Variants in PSD3 observed in about 807,000 individuals in gnomAD.
The protein encoded by PSD3 is PH and SEC7 domain-containing protein 3.
A neutral mutation model predicts 105.5 loss-of-function variants in PSD3; 49 were observed. That is an observed-to-expected ratio of 0.46 (90% CI 0.37 to 0.59). PSD3 has a LOEUF of 0.59. PSD3 is among the 20% of genes least tolerant of loss of function. The probability of loss-of-function intolerance (pLI) is 0.00; values close to 1 mark genes in which losing one functional copy is unlikely to be tolerated. For synonymous variants in PSD3, 557 were observed against 457.8 expected, an observed-to-expected ratio of 1.22 and a Z score of -2.77; for missense variants, 1,561 against 1,263.8, an observed-to-expected ratio of 1.24 and a Z score of -3.57.
At chr8:18,699,189 C>A (rs774913569) in intron 9 of PSD3, among the ~76,000 whole-genome samples, 2 of 152,084 alleles carry the variant, frequency 1.3e-5, no homozygotes, top group Non-Finnish European at 2.9e-5. Flanking sequence ...ACTTCCAGGC[C>A]AAGCTTTTTA....
In PSD3 at chr8:18,898,082, C is replaced by T. The variant is rs1325533771; in HGVS notation, c.131-25349G>A. Among the ~76,000 whole-genome samples the T allele has an allele frequency of 2.6e-5, 4 of 152,134 alleles. No homozygotes were observed. The South Asian group carries it at 6.2e-4, about 24-fold the overall frequency. ...ATGGTTTTCTCATATACGGCTTTGACTGTGTCGAGGTATGTTCCTTCTTAC... is the reference window on the plus strand; with the variant it reads ...ATGGTTTTCTCATATACGGCTTTGATTGTGTCGAGGTATGTTCCTTCTTAC... On this transcript the variant is annotated intron_variant, in intron 2 of 15. Coordinates refer to ENST00000327040, the MANE Select transcript of PSD3 (RefSeq NM_015310.4).
At chr8:18,910,382 C>T (rs1820129864) in intron 2 of PSD3, among the ~76,000 whole-genome samples, 1 of 124,748 alleles carries the variant, frequency 8.0e-6, no homozygotes, top group Non-Finnish European at 1.6e-5. Context: ...TAAACTATCG[C>T]AAGAACAAAA....
intron 9 of PSD3, among the ~76,000 whole-genome samples, chr8:18,680,297 G>A (rs1040677853): frequency 3.3e-5 from 5 of 152,006 alleles, no homozygotes; most frequent in African/African-American, 1.2e-4. Flanking sequence ...AAACCCCAAG[G>A]GTACCCGAAT....
At position 19,076,805 on chromosome 8, in the gene PSD3, C is replaced by T. The variant is rs190805727; in HGVS notation, c.324+7401G>A. 2.1e-3 allele frequency among the ~76,000 whole-genome samples: 325 copies of T among 152,176 alleles called. 2 individuals carry two copies. Among genetic ancestry groups the T allele is most frequent in the South Asian group, 9.1e-3 (44 of 4,814 alleles). On this transcript the variant is annotated intron_variant, in intron 1 of 1. Transcript: ENST00000521475. The stretch of plus-strand genomic sequence containing the variant: ...TCCCTCCCTTCCTTCTCTCCTCACC[C>T]TTCTCACAATTAGAGCTATACAGCT...
intron 11 of PSD3, among the ~76,000 whole-genome samples, chr8:18,602,628 C>T (rs537135924): frequency 1.1e-4 from 17 of 152,022 alleles, no homozygotes; most frequent in African/African-American, 3.9e-4. Flanking sequence ...TAACTCACAC[C>T]GTAATGCTAA....
chr8:18,705,471 C>CA (rs1801835482), intron 9 of PSD3, among the ~76,000 whole-genome samples: 2 of 131,412 alleles, frequency 1.5e-5, no homozygotes, highest in African/African-American at 5.8e-5. Flanking sequence ...GCAGAGGTTA[C>CA]AGTGAGCTGA....
intron 1 of PSD3, among the ~76,000 whole-genome samples, chr8:18,948,895 T>C (rs1439515238): frequency 6.6e-6 from 1 of 152,072 alleles, no homozygotes; most frequent in Non-Finnish European, 1.5e-5. Context: ...CTTAGTTTGC[T>C]ATATCTCTAG....
At chr8:18,735,036 C>T (rs987657939) in intron 9 of PSD3, among the ~76,000 whole-genome samples, 1 of 152,170 alleles carries the variant, frequency 6.6e-6, no homozygotes, top group African/African-American at 2.4e-5. Flanking sequence ...GGCACATACG[C>T]CGAGGACCAC....
At chr8:18,587,374 T>C (rs1397278275) in intron 12 of PSD3, among the ~76,000 whole-genome samples, 1 of 152,120 alleles carries the variant, frequency 6.6e-6, no homozygotes, top group East Asian at 1.9e-4. Flanking sequence ...TATGACATTG[T>C]GATACCATCT....
intron 10 of PSD3, among the ~76,000 whole-genome samples, chr8:18,639,152 G>A (rs1231578757): frequency 2.0e-5 from 3 of 152,290 alleles, no homozygotes; most frequent in African/African-American, 7.2e-5. Context: ...CCCAAGAGAG[G>A]GAGTAAGTAA....
At chr8:18,563,809 G>C (rs553496242) in intron 14 of PSD3, among the ~76,000 whole-genome samples, 1 of 152,314 alleles carries the variant, frequency 6.6e-6, no homozygotes, top group South Asian at 2.1e-4. Flanking sequence ...TTAAGGGTAA[G>C]TGACATAATT....
rs978893710 is a variant in PSD3, at chr8:18,666,735, G to C, written c.2173-11050C>G. ...CTATTGCTTTTTTTTGGGGGGTGGG[G>C]GGAAGTAGCTGGAAGCACACATTAT... On this transcript the variant is annotated intron_variant, in intron 9 of 15. Transcript: ENST00000327040. 2.0e-5 allele frequency among the ~76,000 whole-genome samples: 3 copies of C among 149,084 alleles called. No individual in the cohort carries two copies. In the East Asian group the frequency reaches 6.1e-4, roughly 30 times the overall value.
intron 1 of PSD3, among the ~76,000 whole-genome samples, chr8:18,987,366 C>T (rs900619060): frequency 6.6e-6 from 1 of 151,894 alleles, no homozygotes; most frequent in Non-Finnish European, 1.5e-5. Flanking sequence ...CGGCTCACTG[C>T]AAGCTCTGCC....
Position 18,535,614 on chromosome 8 carries a change from T to G in PSD3, c.*129A>C. ...TACAGAAACTAACAAAAATATACAATAGAAAAAATTACTAATGCACCGTTT... is the reference window on the plus strand; with the variant it reads ...TACAGAAACTAACAAAAATATACAAGAGAAAAAATTACTAATGCACCGTTT... On this transcript the variant is annotated 3_prime_UTR_variant, in exon 16 of 16. Transcript: ENST00000327040. The G allele has an allele frequency of 1.3e-6, 1 of 760,646 alleles. No individual in the cohort carries two copies. Among genetic ancestry groups the G allele is most frequent in the Non-Finnish European group, 2.1e-6 (1 of 468,448 alleles). The allele number at this position is 760,646 out of a possible 1,614,324, so 47.1% of individuals were successfully genotyped here. A position where few individuals can be genotyped will look rare whatever the true frequency, so the allele number is the denominator to read the frequency against.
chr8:18,932,838 C>G (rs941964481), intron 2 of PSD3, among the ~76,000 whole-genome samples: 2 of 152,180 alleles, frequency 1.3e-5, no homozygotes, highest in African/African-American at 4.8e-5. Flanking sequence ...CATACCATTT[C>G]TGCAATTTGA....
chr8:18,621,208 G>A (rs962895841), intron 11 of PSD3, among the ~76,000 whole-genome samples: 3 of 152,184 alleles, frequency 2.0e-5, no homozygotes, highest in African/African-American at 7.2e-5. Flanking sequence ...AGGAATTTGA[G>A]ACCAGCCTGG....
At chr8:19,042,732 G>A (rs1236012139) in intron 1 of PSD3, among the ~76,000 whole-genome samples, 1 of 152,204 alleles carries the variant, frequency 6.6e-6, no homozygotes, top group East Asian at 1.9e-4. Flanking sequence ...ATGCTATTGA[G>A]CACAGACTTG....
intron 9 of PSD3, among the ~76,000 whole-genome samples, chr8:18,690,021 T>C (rs1800886093): frequency 6.6e-6 from 1 of 152,180 alleles, no homozygotes; most frequent in Admixed American, 6.5e-5. Context: ...CTATGCTATT[T>C]GTTTCTTGAA....
Position 18,535,052 on chromosome 8 carries a change from C to T in PSD3, c.*691G>A, listed in dbSNP as rs1212438161. 6.6e-6 allele frequency: 1 copy of T among 152,624 alleles called. No individual in the cohort carries two copies. The highest frequency in any genetic ancestry group is 1.5e-5 in the Non-Finnish European group (1 of 68,048). 9.5% of individuals were successfully genotyped at this position (152,624 alleles called of 1,614,324 possible). A position where few individuals can be genotyped will look rare whatever the true frequency, so the allele number is the denominator to read the frequency against. ...TCAGCCTTCAAAGGCAAAATGACTC[C>T]ACTTCCTCTTTCCCTTGCTTGGCTG... is the stretch of plus-strand genomic sequence containing the variant. On this transcript the variant is annotated 3_prime_UTR_variant, in exon 16 of 16. Transcript: ENST00000327040.
Sources: gnomAD v4.1 joint callset for allele counts (sites outside exome capture counted in the v4.1 genomes callset) on GRCh38, gnomAD v4.1.1 for gene constraint, MANE v1.5 for transcripts, NCBI Gene and HGNC (gene_info 2026-07-23, HGNC 2026-07-21) for gene names.